The following LRCH2 variants were observed in gnomAD, a reference collection of about 807,000 sequenced individuals.
LRCH2 encodes leucine rich repeats and calponin homology domain containing 2.
Under a neutral mutation model 68.9 loss-of-function variants are expected in LRCH2, and 38 were observed. The ratio of observed to expected loss-of-function variants is 0.55; its 90% CI spans 0.43 to 0.72. LRCH2 has a LOEUF of 0.72. Among genes scored for constraint, LRCH2 ranks in the 30% least tolerant of loss-of-function variants. The pLI is 0.00. For synonymous variants in LRCH2, 191 were observed against 208.1 expected (o/e 0.92, Z 0.71); for missense variants, 528 against 572.9 (o/e 0.92, Z 0.80).
chrX:115,162,501 T>A (rs1304058967), intron 11 of LRCH2, among the ~76,000 whole-genome samples: 2 of 111,684 alleles, frequency 1.8e-5, no homozygotes, highest in African/African-American at 6.5e-5. Context: ...AGACCGAAAG[T>A]TACAGCAGAA....
intron 1 of LRCH2, among the ~76,000 whole-genome samples, chrX:115,210,816 G>A (rs1223762795): frequency 3.6e-5 from 4 of 112,036 alleles, no homozygotes; most frequent in African/African-American, 9.7e-5. Context: ...TTGCATCAGC[G>A]TGACCTGGAT....
chrX:115,117,812 G>A (rs1390295529), intron 20 of LRCH2, among the ~76,000 whole-genome samples: 3 of 110,830 alleles, frequency 2.7e-5, no homozygotes, highest in Non-Finnish European at 5.7e-5. Context: ...GACACATGAG[G>A]AAATTTTGGG....
chrX:115,170,214 T>C, intron 6 of LRCH2, 85 bp downstream of exon 6: 2 of 939,188 alleles, frequency 2.1e-6, no homozygotes, highest in South Asian at 3.6e-5. Flanking sequence ...CCTAAATATA[T>C]TCGGAACACT....
At chrX:115,153,794 CAAAGG>C (rs1238562298) in intron 12 of LRCH2, among the ~76,000 whole-genome samples, 1 of 109,480 alleles carries the variant, frequency 9.1e-6, no homozygotes, top group Non-Finnish European at 1.9e-5. Flanking sequence ...AATAAGCCCA[CAAAGG>C]AAATAAACAA....
At chrX:115,219,316 C>T (rs915612267) in intron 1 of LRCH2, among the ~76,000 whole-genome samples, 11 of 111,749 alleles carry the variant, frequency 9.8e-5, no homozygotes, top group Admixed American at 1.9e-4. Context: ...ACCATCCTTA[C>T]CTGAGCTATT....
intron 5 of LRCH2, among the ~76,000 whole-genome samples, chrX:115,173,046 C>T (rs1253311833): frequency 5.4e-5 from 6 of 111,657 alleles, no homozygotes; most frequent in African/African-American, 2.0e-4. Flanking sequence ...ATTCCAACAT[C>T]TGCCAGTTTC....
intron 1 of LRCH2, among the ~76,000 whole-genome samples, chrX:115,206,606 CTATAA>C (rs1441996049): frequency 8.9e-6 from 1 of 111,974 alleles, no homozygotes; most frequent in Non-Finnish European, 1.9e-5. Context: ...TTTAGTTAAT[CTATAA>C]TCTATAGAAA....
intron 17 of LRCH2, 84 bp from the exon 18 acceptor site, chrX:115,123,276 A>G: frequency 1.6e-6 from 1 of 632,709 alleles, no homozygotes; most frequent in Middle Eastern, 3.2e-4. Context: ...TGATGAATCA[A>G]TACAAAATTA....
intron 14 of LRCH2, among the ~76,000 whole-genome samples, chrX:115,140,250 T>A (rs1376203117): frequency 9.0e-6 from 1 of 110,924 alleles, no homozygotes; most frequent in Non-Finnish European, 1.9e-5. Flanking sequence ...ACTAGACATA[T>A]ACCCCTGGGC....
At chrX:115,121,141 T>C (rs957396246) in intron 20 of LRCH2, among the ~76,000 whole-genome samples, 7 of 108,791 alleles carry the variant, frequency 6.4e-5, no homozygotes, top group African/African-American at 1.0e-4. Flanking sequence ...CTGCACATTG[T>C]GCACATGTGC....
chrX:115,149,627 T>C (rs916829716), intron 14 of LRCH2, among the ~76,000 whole-genome samples, 200 bp downstream of exon 14: 2 of 111,804 alleles, frequency 1.8e-5, no homozygotes, highest in East Asian at 5.6e-4. Context: ...ATAATTTATA[T>C]TTATCTACTC....
intron 1 of LRCH2, among the ~76,000 whole-genome samples, chrX:115,233,394 A>G (rs1556579021): frequency 8.9e-6 from 1 of 111,936 alleles, no homozygotes; most frequent in Non-Finnish European, 1.9e-5. Flanking sequence ...AAAGAAGTGC[A>G]TTAAGGAAGG....
At chrX:115,163,560 G>C in intron 11 of LRCH2, 116 bp downstream of exon 11, 1 of 462,067 alleles carries the variant, frequency 2.2e-6, no homozygotes, top group East Asian at 4.0e-5. Context: ...CCTTGAGATA[G>C]ATCTTAAGAG....
At chrX:115,189,386 T>A (rs1356200451) in intron 1 of LRCH2, 3 of 1,120,894 alleles carry the variant, frequency 2.7e-6, no homozygotes, top group Non-Finnish European at 3.5e-6. Context: ...AGGCCGCGAC[T>A]GAACTGCCGC....
chrX:115,148,051 TAGAG>T (rs1412311929), intron 14 of LRCH2, among the ~76,000 whole-genome samples: 1 of 105,600 alleles, frequency 9.5e-6, no homozygotes, highest in Non-Finnish European at 1.9e-5. Context: ...GTCTGGGCAA[TAGAG>T]AGAGACTCTG....
rs1556565318 is a variant in LRCH2 at position 115,199,551 on chromosome X, G to C, written c.350-11181C>G. 2.7e-5 allele frequency among the ~76,000 whole-genome samples: 3 copies of C among 111,828 alleles called. No individual in the cohort carries two copies. In the Admixed American group the frequency reaches 2.9e-4, roughly 11 times the overall value. On this transcript the variant is annotated intron_variant, in intron 1 of 20. Transcript: ENST00000317135. Reference sequence around the variant, plus strand: ...TATTAAATAAAAGACGGTTAAAAAAGACAAAGAACTTCATTCTGTAATAAA... The same window carrying C: ...TATTAAATAAAAGACGGTTAAAAAACACAAAGAACTTCATTCTGTAATAAA...
At chrX:115,203,706 C>G (rs1384890920) in intron 1 of LRCH2, among the ~76,000 whole-genome samples, 2 of 112,702 alleles carry the variant, frequency 1.8e-5, no homozygotes, top group Non-Finnish European at 3.7e-5. Flanking sequence ...CCAGAGCACA[C>G]TGATGGAAGG....
chrX:115,192,692 A>G (rs1349069204), intron 1 of LRCH2: 35 of 1,118,106 alleles, frequency 3.1e-5, no homozygotes, highest in Non-Finnish European at 4.2e-5. Flanking sequence ...AGAAACAAAA[A>G]GAAGAACCTG....
In LRCH2 at chrX:115,149,940, A is replaced by G. The variant is rs1244121751; in HGVS notation, c.1582T>C (p.Leu528=). The G allele has an allele frequency of 3.4e-6, 4 of 1,177,975 alleles. No individual in the cohort carries two copies. Among genetic ancestry groups the G allele is most frequent in the Non-Finnish European group, 4.6e-6 (4 of 871,482 alleles). ...TCTATTTGATCCTTCTGATTTTCTA[A>G]GGGCTATAATGAGACAATTTATTTT... is the stretch of plus-strand genomic sequence containing the variant. ...SPLSPLTWQP[L]ENQKDQIDEQ... The change falls in exon 14 of 21, where the codon TTA becomes CTA. Residue 528 remains leucine, a synonymous_variant. Transcript: ENST00000317135.
Sources: gnomAD v4.1 joint callset for allele counts (sites outside exome capture counted in the v4.1 genomes callset) on GRCh38, gnomAD v4.1.1 for gene constraint, MANE v1.5 for transcripts, NCBI Gene and HGNC (gene_info 2026-07-23, HGNC 2026-07-21) for gene names.